Variants in KAT2B observed in about 807,000 individuals in gnomAD.
The protein encoded by KAT2B is lysine acetyltransferase 2B, also known as histone acetyltransferase KAT2B.
A neutral mutation model predicts 105.9 loss-of-function variants in KAT2B; 36 were observed. The observed-to-expected ratio is 0.34, with a 90% CI of 0.26 to 0.45. The LOEUF (loss-of-function observed/expected upper bound fraction) is 0.45, where lower values mean the gene tolerates loss of function less well. Ranked by LOEUF, KAT2B falls within the 20% of genes least tolerant of loss-of-function variation. The pLI, the probability that KAT2B is intolerant of heterozygous loss-of-function variation, is 1.00. For missense variants in KAT2B, 820 were observed against 1,021.6 expected (o/e 0.80, Z 2.69); for synonymous variants, 397 against 377.9 (o/e 1.05, Z -0.59).
rs1559303997 is a variant in KAT2B, at chr3:20,078,200, AT to A, written c.430+5742del. 1.2e-3 allele frequency among the ~76,000 whole-genome samples: 176 copies of A among 152,146 alleles called. 1 individual carries two copies. The highest frequency in any genetic ancestry group is 4.1e-3 in the African/African-American group (169 of 41,506). ...GTCTCAAAAATAAATAAATAAATAAATAAATAAAAAGGCAGCCTGTTTTTAC... is the reference window on the plus strand; with the variant it reads ...GTCTCAAAAATAAATAAATAAATAAAAAATAAAAAGGCAGCCTGTTTTTAC... On this transcript the variant is annotated intron_variant, in intron 2 of 17. Transcript: ENST00000263754.
At chr3:20,079,251 C>G (rs898386858) in intron 2 of KAT2B, among the ~76,000 whole-genome samples, 2 of 132,158 alleles carry the variant, frequency 1.5e-5, no homozygotes, top group Non-Finnish European at 3.1e-5. Flanking sequence ...GTCACCCAGG[C>G]TGGAGTGCAA....
At chr3:20,116,169 T>C (rs529649546) in intron 7 of KAT2B, among the ~76,000 whole-genome samples, 1 of 152,232 alleles carries the variant, frequency 6.6e-6, no homozygotes, top group African/African-American at 2.4e-5. Flanking sequence ...GCCTATTACA[T>C]GTTTCTTCTA....
Position 20,040,748 on chromosome 3 carries a change from C to G in KAT2B, c.271C>G (p.Leu91Val). ...QLRSAPRAKK[L>V]EKLGVYSACK... Reference sequence around the variant, plus strand: ...ACGCTCCGCTCCGCGGGCCAAGAAACTGGAGAAACTCGGAGTGTACTCCGC... The same window carrying G: ...ACGCTCCGCTCCGCGGGCCAAGAAAGTGGAGAAACTCGGAGTGTACTCCGC... The change falls in exon 1 of 18, where the codon CTG (leucine) becomes GTG (valine). Residue 91 changes from leucine to valine, a missense_variant. By Grantham distance (32) the Leu-to-Val change is conservative (BLOSUM62 1). Coordinates refer to ENST00000263754, the MANE Select transcript of KAT2B (RefSeq NM_003884.5). 6.3e-7 allele frequency: 1 copy of G among 1,594,474 alleles called. No homozygotes were observed. Among genetic ancestry groups the G allele is most frequent in the Non-Finnish European group, 8.5e-7 (1 of 1,173,070 alleles).
intron 2 of KAT2B, among the ~76,000 whole-genome samples, chr3:20,076,099 A>C (rs1698414374): frequency 6.6e-6 from 1 of 152,068 alleles, no homozygotes; most frequent in South Asian, 2.1e-4. Context: ...GCATAAACTC[A>C]GGTATGATCG....
At chr3:20,150,111 A>G (rs1315184356) in intron 17 of KAT2B, among the ~76,000 whole-genome samples, 1 of 152,218 alleles carries the variant, frequency 6.6e-6, no homozygotes, top group African/African-American at 2.4e-5. Context: ...ACCTGTATGC[A>G]TAGCTGAGTC....
intron 2 of KAT2B, among the ~76,000 whole-genome samples, chr3:20,086,396 C>T (rs1698615846): frequency 6.6e-6 from 1 of 152,080 alleles, no homozygotes; most frequent in Non-Finnish European, 1.5e-5. Flanking sequence ...CCCAGGAGTT[C>T]AAGACTAGCC....
intron 1 of KAT2B, among the ~76,000 whole-genome samples, chr3:20,065,565 T>C (rs965129042): frequency 6.9e-6 from 1 of 145,140 alleles, no homozygotes; most frequent in South Asian, 2.1e-4. Flanking sequence ...GATAAGAGCA[T>C]TGACTGTTTT....
At chr3:20,132,111 ACACCTGTAATCCCAG>A (rs1699521020) in intron 11 of KAT2B, among the ~76,000 whole-genome samples, 1 of 152,206 alleles carries the variant, frequency 6.6e-6, no homozygotes, top group Non-Finnish European at 1.5e-5. Context: ...GTGGTGGCTC[ACACCTGTAATCCCAG>A]CACTTTGGGA....
chr3:20,090,736 C>G (rs1276022280), intron 2 of KAT2B, among the ~76,000 whole-genome samples: 2 of 152,014 alleles, frequency 1.3e-5, no homozygotes, highest in East Asian at 3.9e-4. Flanking sequence ...CATCCCTCTT[C>G]AGTTTTTTGA....
intron 2 of KAT2B, among the ~76,000 whole-genome samples, chr3:20,092,235 A>ATTTATTTATTTATTTATTTATTT (rs1553588257): frequency 0.15 from 15,164 of 103,560 alleles, 1,013 homozygotes; most frequent in Admixed American, 0.2. Context: ...TTATTTATTT[A>ATTTATTTATTTATTTATTTATTT]TTTATTTATT....
chr3:20,053,126 G>A (rs1019824413), intron 1 of KAT2B, among the ~76,000 whole-genome samples: 1 of 152,192 alleles, frequency 6.6e-6, no homozygotes, highest in African/African-American at 2.4e-5. Flanking sequence ...TTGATGACAA[G>A]CAACAGTTAT....
intron 5 of KAT2B, among the ~76,000 whole-genome samples, chr3:20,107,397 C>T (rs1034084318): frequency 1.3e-5 from 2 of 151,730 alleles, no homozygotes; most frequent in African/African-American, 2.4e-5. Context: ...GTGGCCCACG[C>T]CAGTAATCCT....
chr3:20,083,206 G>T lies in KAT2B; in HGVS notation c.430+10747G>T, dbSNP rs1698550759. 1.3e-5 allele frequency among the ~76,000 whole-genome samples: 2 copies of T among 152,112 alleles called. 1 individual carries two copies. The highest frequency in any genetic ancestry group is 4.1e-4 in the South Asian group (2 of 4,824). Reference sequence around the variant, plus strand: ...TCTTGAGTTTTGTGGCAGGTTGACTGCTATAGATTTGTGCATTGTAGTTTA... The same window carrying T: ...TCTTGAGTTTTGTGGCAGGTTGACTTCTATAGATTTGTGCATTGTAGTTTA... On this transcript the variant is annotated intron_variant, in intron 2 of 17. Transcript: ENST00000263754.
At chr3:20,050,122 C>T (rs1267737100) in intron 1 of KAT2B, among the ~76,000 whole-genome samples, 2 of 151,594 alleles carry the variant, frequency 1.3e-5, no homozygotes, top group Non-Finnish European at 2.9e-5. Flanking sequence ...ACTGCTTGAG[C>T]CCAGGAGGCA....
At chr3:20,041,005 C>T (rs930914852) in intron 1 of KAT2B, among the ~76,000 whole-genome samples, 5 of 152,168 alleles carry the variant, frequency 3.3e-5, no homozygotes, top group African/African-American at 1.2e-4. Context: ...ACGGAGAGCC[C>T]TTCATTCCTT....
intron 3 of KAT2B, among the ~76,000 whole-genome samples, chr3:20,099,647 C>G (rs1284074414): frequency 6.6e-6 from 1 of 151,906 alleles, no homozygotes; most frequent in African/African-American, 2.4e-5. Context: ...GACATGAAGG[C>G]CAATTTGGGT....
chr3:20,047,838 A>C (rs1050498289), intron 1 of KAT2B, among the ~76,000 whole-genome samples: 1 of 149,902 alleles, frequency 6.7e-6, no homozygotes, highest in Non-Finnish European at 1.5e-5. Context: ...CTGGTCTCAA[A>C]CTCCTGACCT....
chr3:20,103,916 G>A (rs1221764221), intron 5 of KAT2B, among the ~76,000 whole-genome samples: 1 of 152,060 alleles, frequency 6.6e-6, no homozygotes, highest in Non-Finnish European at 1.5e-5. Flanking sequence ...TTCTTTCTCT[G>A]TCCAAGTGTC....
intron 2 of KAT2B, among the ~76,000 whole-genome samples, chr3:20,077,726 A>C (rs757369302): frequency 1.6e-4 from 24 of 152,238 alleles, no homozygotes; most frequent in Admixed American, 3.9e-4. Context: ...AGAATATTCT[A>C]GTTCATTCTC....
Sources: gnomAD v4.1 joint callset for allele counts (sites outside exome capture counted in the v4.1 genomes callset) on GRCh38, gnomAD v4.1.1 for gene constraint, MANE v1.5 for transcripts, NCBI Gene and HGNC (gene_info 2026-07-23, HGNC 2026-07-21) for gene names.